FAM13A: variants seen among roughly 807,000 people sequenced by gnomAD.
FAM13A encodes the protein family with sequence similarity 13 member A, also known as protein FAM13A.
In FAM13A, 76 loss-of-function variants were observed where a neutral mutation model predicts 129.6. The ratio of observed to expected loss-of-function variants is 0.59; its 90% CI spans 0.49 to 0.71. The LOEUF (loss-of-function observed/expected upper bound fraction) is 0.71. Among genes scored for constraint, FAM13A ranks in the 30% least tolerant of loss-of-function variants. The probability of loss-of-function intolerance (pLI) is 0.00; values close to 1 mark genes in which losing one functional copy is unlikely to be tolerated. For missense variants in FAM13A, 1,108 were observed against 1,249.3 expected (o/e 0.89, Z 1.70); for synonymous variants, 443 against 449.9 (o/e 0.98, Z 0.20).
chr4:88,882,140 A>G (rs1049249407), intron 6 of FAM13A, among the ~76,000 whole-genome samples: 25 of 152,174 alleles, frequency 1.6e-4, no homozygotes, highest in African/African-American at 5.3e-4. Context: ...AACATCTGGG[A>G]AATTTATCAT....
chr4:89,038,476 T>G (rs1371922034), intron 1 of FAM13A, among the ~76,000 whole-genome samples: 1 of 151,796 alleles, frequency 6.6e-6, no homozygotes, highest in African/African-American at 2.4e-5. Flanking sequence ...AAAAAAATGC[T>G]CAAGGCCTAA....
chr4:88,787,869 TC>T lies in FAM13A; in HGVS notation c.1154del (p.Gly385GlufsTer60). The T allele has an allele frequency of 6.2e-7, 1 of 1,613,532 alleles. No individual in the cohort carries two copies. On this transcript the variant is annotated frameshift_variant, in exon 10 of 24. Transcript: ENST00000264344. LOFTEE classifies it high-confidence loss of function. ...ATTCTGAGTCCTCTGAACTTTGACC[TC>T]CAGAGTTATTAACATCAAAAAGATG... ...EQHLFDVNNS[G>X]GQSSEDSESG...
intron 7 of FAM13A, among the ~76,000 whole-genome samples, chr4:88,833,158 G>A (rs76794874): frequency 2.0e-3 from 311 of 152,244 alleles, no homozygotes; most frequent in African/African-American, 6.5e-3. Context: ...ATGTTCTCAC[G>A]TATAAGTGGG....
At chr4:88,886,645 G>A (rs1198915061) in intron 6 of FAM13A, among the ~76,000 whole-genome samples, 2 of 150,192 alleles carry the variant, frequency 1.3e-5, no homozygotes, top group African/African-American at 2.5e-5. Context: ...AGTGGCTCAC[G>A]CCTATAATCC....
chr4:88,874,434 C>T (rs945235279), intron 6 of FAM13A, among the ~76,000 whole-genome samples: 1 of 152,214 alleles, frequency 6.6e-6, no homozygotes, highest in Non-Finnish European at 1.5e-5. Flanking sequence ...TAAGCAACTT[C>T]AGCAAAGTCT....
intron 4 of FAM13A, among the ~76,000 whole-genome samples, chr4:88,963,080 AAT>A (rs1758848531): frequency 6.6e-6 from 1 of 152,068 alleles, no homozygotes; most frequent in African/African-American, 2.4e-5. Context: ...GTATAATTTT[AAT>A]TATTTACAAG....
chr4:88,868,692 G>C (rs1042735998), intron 6 of FAM13A, among the ~76,000 whole-genome samples: 3 of 152,120 alleles, frequency 2.0e-5, no homozygotes, highest in African/African-American at 7.2e-5. Flanking sequence ...ATTTATACAT[G>C]TCTATAAACA....
intron 13 of FAM13A, among the ~76,000 whole-genome samples, chr4:88,767,089 C>T (rs895729476): frequency 2.6e-5 from 4 of 152,154 alleles, no homozygotes; most frequent in Admixed American, 6.5e-5. Flanking sequence ...AGAGACTTTT[C>T]TTCTCCAATG....
At chr4:88,889,238 G>A (rs1383435086) in intron 6 of FAM13A, among the ~76,000 whole-genome samples, 1 of 152,210 alleles carries the variant, frequency 6.6e-6, no homozygotes, top group Non-Finnish European at 1.5e-5. Context: ...TACTGCTGAA[G>A]TGTGAATGGG....
intron 3 of FAM13A, among the ~76,000 whole-genome samples, chr4:88,998,894 C>A (rs899354702): frequency 6.6e-6 from 1 of 152,146 alleles, no homozygotes; most frequent in Non-Finnish European, 1.5e-5. Context: ...AAATCTCTTA[C>A]AACCTCATGA....
intron 4 of FAM13A, among the ~76,000 whole-genome samples, chr4:88,986,185 G>C (rs1163728298): frequency 6.6e-6 from 1 of 150,792 alleles, no homozygotes; most frequent in Admixed American, 6.6e-5. Flanking sequence ...CCAGGCTGGA[G>C]TGCAGTGGCA....
chr4:88,981,280 A>G (rs1047049679), intron 4 of FAM13A, among the ~76,000 whole-genome samples: 6 of 152,238 alleles, frequency 3.9e-5, no homozygotes, highest in Admixed American at 6.5e-5. Flanking sequence ...CTAAGTGTGC[A>G]CAATGAGTTT....
intron 7 of FAM13A, among the ~76,000 whole-genome samples, chr4:88,832,536 C>T (rs1299585985): frequency 6.6e-6 from 1 of 151,872 alleles, no homozygotes; most frequent in Non-Finnish European, 1.5e-5. Context: ...AACAAATTTA[C>T]AAGAAAAAAA....
At chr4:88,823,740 C>A (rs1391124569) in intron 7 of FAM13A, among the ~76,000 whole-genome samples, 1 of 152,162 alleles carries the variant, frequency 6.6e-6, no homozygotes, top group African/African-American at 2.4e-5. Context: ...CTTGCCCTAC[C>A]CACATGTATT....
At chr4:88,873,147 G>A (rs1467320440) in intron 6 of FAM13A, among the ~76,000 whole-genome samples, 2 of 152,222 alleles carry the variant, frequency 1.3e-5, no homozygotes, top group Non-Finnish European at 2.9e-5. Flanking sequence ...GCAGTGTGTA[G>A]AGGGAAATTT....
At chr4:89,016,020 C>T (rs1398941) in intron 3 of FAM13A, among the ~76,000 whole-genome samples, 16,012 of 151,770 alleles carry the variant, frequency 0.11, 918 homozygotes, top group African/African-American at 0.15. Flanking sequence ...GCAGGTACTA[C>T]GGGAAGTATT....
Position 88,767,536 on chromosome 4 carries a change from G to C in FAM13A, c.1578+17C>G, listed in dbSNP as rs1000438160. 6.3e-7 allele frequency: 1 copy of C among 1,589,142 alleles called. No individual in the cohort carries two copies. The highest frequency in any genetic ancestry group is 1.9e-5 in the Admixed American group (1 of 53,828). On this transcript the variant is annotated intron_variant, in intron 13 of 23. Transcript: ENST00000264344. The stretch of plus-strand genomic sequence containing the variant: ...ACAGCCCCGTCACAGTCTTACTCTT[G>C]CTTGTTAGCTACTCACCTCAAAATG...
intron 8 of FAM13A, among the ~76,000 whole-genome samples, chr4:88,797,615 T>G (rs966880229): frequency 1.3e-5 from 2 of 152,094 alleles, no homozygotes; most frequent in Non-Finnish European, 2.9e-5. Context: ...CAGAAGGGCG[T>G]CTCCAGTTTC....
At chr4:88,763,622 GCT>G (rs1391832450) in intron 13 of FAM13A, among the ~76,000 whole-genome samples, 5 of 152,112 alleles carry the variant, frequency 3.3e-5, no homozygotes, top group South Asian at 2.1e-4. Context: ...ATTTGATACT[GCT>G]CTTTCTCTGG....
Sources: allele counts gnomAD v4.1 joint callset (sites outside exome capture counted in the v4.1 genomes callset), GRCh38; gene constraint gnomAD v4.1.1; transcripts MANE v1.5; gene names NCBI Gene and HGNC (gene_info 2026-07-23, HGNC 2026-07-21).